WARS2: variants seen among roughly 807,000 people sequenced by gnomAD.
WARS2 encodes tryptophanyl tRNA synthetase 2, mitochondrial, also known as tryptophan--tRNA ligase, mitochondrial.
WARS2 carries 28 observed loss-of-function variants against 36.5 expected under a neutral mutation model. That is an observed-to-expected ratio of 0.77 (90% CI 0.57 to 1.05). The LOEUF is 1.05. Among genes scored for constraint, WARS2 ranks in the 50% least tolerant of loss-of-function variants. The pLI is 0.00. For synonymous variants in WARS2, 174 were observed against 178.4 expected (o/e 0.98, Z 0.20); for missense variants, 435 against 456.8 (o/e 0.95, Z 0.44).
chr1:119,082,263 T>C, intron 1 of WARS2: 1 of 985,192 alleles, frequency 1.0e-6, no homozygotes, highest in South Asian at 4.7e-5. Context: ...TTAAAAATAT[T>C]CCCCCACAGG....
chr1:119,068,346 A>G (rs909687118), intron 2 of WARS2, among the ~76,000 whole-genome samples: 1 of 152,184 alleles, frequency 6.6e-6, no homozygotes, highest in African/African-American at 2.4e-5. Flanking sequence ...TTATTTATGT[A>G]TAGTAAGCCA....
At chr1:119,098,544 T>G (rs1196947554) in intron 1 of WARS2, among the ~76,000 whole-genome samples, 1 of 151,696 alleles carries the variant, frequency 6.6e-6, no homozygotes, top group Non-Finnish European at 1.5e-5. Context: ...TTCAAGCGAT[T>G]CTCCTGCCTC....
chr1:119,118,967 T>G (rs1655160907), intron 1 of WARS2, among the ~76,000 whole-genome samples: 1 of 151,996 alleles, frequency 6.6e-6, no homozygotes, highest in African/African-American at 2.4e-5. Context: ...AAATAGAACC[T>G]CCTTAAAGCA....
At chr1:119,090,657 G>A (rs1166797062) in intron 1 of WARS2, among the ~76,000 whole-genome samples, 1 of 152,152 alleles carries the variant, frequency 6.6e-6, no homozygotes, top group Non-Finnish European at 1.5e-5. Flanking sequence ...AGGATCACTT[G>A]AGCCAGGAGT....
chr1:119,113,994 A>G (rs1654810309), intron 1 of WARS2, among the ~76,000 whole-genome samples: 1 of 152,136 alleles, frequency 6.6e-6, no homozygotes, highest in African/African-American at 2.4e-5. Context: ...GTAAATATAC[A>G]CAGTACTGAG....
chr1:119,112,299 TA>T (rs1172905028), intron 1 of WARS2, among the ~76,000 whole-genome samples: 1 of 152,134 alleles, frequency 6.6e-6, no homozygotes, highest in East Asian at 1.9e-4. Flanking sequence ...ACAACTTTAT[TA>T]GAAAAGTTTA....
At chr1:119,078,864 A>C (rs1187054858) in intron 1 of WARS2, among the ~76,000 whole-genome samples, 2 of 152,034 alleles carry the variant, frequency 1.3e-5, no homozygotes, top group African/African-American at 2.4e-5. Flanking sequence ...TCATAGAAGA[A>C]ATCTTTCAAT....
At chr1:119,088,741 A>G (rs1412378491) in intron 1 of WARS2, among the ~76,000 whole-genome samples, 1 of 152,188 alleles carries the variant, frequency 6.6e-6, no homozygotes, top group Admixed American at 6.5e-5. Context: ...GTCCAATTCC[A>G]TAAATCTCTA....
chr1:119,053,093 C>T (rs1649499571), intron 2 of WARS2, among the ~76,000 whole-genome samples: 1 of 152,174 alleles, frequency 6.6e-6, no homozygotes, highest in Non-Finnish European at 1.5e-5. Flanking sequence ...ACATATAATC[C>T]TCCGAAGCAG....
chr1:119,038,481 T>A (rs562758614), intron 4 of WARS2, among the ~76,000 whole-genome samples: 1 of 152,342 alleles, frequency 6.6e-6, no homozygotes, highest in South Asian at 2.1e-4. Context: ...TTATTTTCAA[T>A]GGTCCTCAAT....
chr1:119,130,176 G>T, intron 1 of WARS2, among the ~76,000 whole-genome samples: 1 of 151,890 alleles, frequency 6.6e-6, no homozygotes, highest in Non-Finnish European at 1.5e-5. Context: ...TACAATAAAT[G>T]AGCTTTTTAT....
chr1:119,091,363 C>A (rs188303856), intron 1 of WARS2, among the ~76,000 whole-genome samples: 1 of 152,264 alleles, frequency 6.6e-6, no homozygotes, highest in Admixed American at 6.5e-5. Context: ...GATGAAGGAA[C>A]TGAGGCACAG....
rs145121584 is a variant in WARS2, at chr1:119,127,226, G to A, written c.90+13329C>T. The A allele has an allele frequency of 2.4e-3, 1,769 of 740,164 alleles. 12 individuals are homozygous for A. In the Middle Eastern group the frequency reaches 0.027, roughly 11 times the overall value. The allele number at this position is 740,164 out of a possible 1,614,324, so 45.8% of individuals were successfully genotyped here. ...ACCAATCCTTCTTCGAAAATGGATC[G>A]ACCACTTTCTTCTTGGCTCCCTTTT... On this transcript the variant is annotated intron_variant, in intron 1 of 5. Coordinates refer to ENST00000235521, the MANE Select transcript of WARS2 (RefSeq NM_015836.4).
At chr1:119,087,198 G>A (rs12724443) in intron 1 of WARS2, among the ~76,000 whole-genome samples, 3,853 of 151,954 alleles carry the variant, frequency 0.025, 187 homozygotes, top group East Asian at 0.22. Flanking sequence ...ATATTTTCCC[G>A]CCTAGAATAT....
chr1:119,106,514 G>A (rs1654253206), intron 1 of WARS2, among the ~76,000 whole-genome samples: 1 of 152,042 alleles, frequency 6.6e-6, no homozygotes, highest in African/African-American at 2.4e-5. Flanking sequence ...GCTTTTTACT[G>A]TCCCCATAAT....
chr1:119,094,273 GT>G (rs1403615389), intron 1 of WARS2, among the ~76,000 whole-genome samples: 9 of 151,442 alleles, frequency 5.9e-5, no homozygotes, highest in African/African-American at 2.2e-4. Flanking sequence ...ATTTCCTTTG[GT>G]AAAAAAAAAT....
chr1:119,112,855 A>C (rs1654736147), intron 1 of WARS2, among the ~76,000 whole-genome samples: 1 of 152,194 alleles, frequency 6.6e-6, no homozygotes, highest in Admixed American at 6.5e-5. Context: ...TTTGAGTATA[A>C]GTGTGAAGAA....
At chr1:119,110,607 T>C (rs1298983814) in intron 1 of WARS2, among the ~76,000 whole-genome samples, 2 of 152,012 alleles carry the variant, frequency 1.3e-5, no homozygotes, top group Admixed American at 6.6e-5. Flanking sequence ...AGGTATAGTT[T>C]TGGGGGTTTT....
chr1:119,093,699 C>A (rs763067054), intron 1 of WARS2, among the ~76,000 whole-genome samples: 13 of 152,132 alleles, frequency 8.5e-5, no homozygotes, highest in Non-Finnish European at 7.3e-5. Context: ...AGACTGCTAG[C>A]CTCCAGAACT....
Sources: allele counts gnomAD v4.1 joint callset (sites outside exome capture counted in the v4.1 genomes callset), GRCh38; gene constraint gnomAD v4.1.1; transcripts MANE v1.5; gene names NCBI Gene and HGNC (gene_info 2026-07-23, HGNC 2026-07-21).